The following SLC25A17 variants were observed in gnomAD, a reference collection of about 807,000 sequenced individuals.
SLC25A17 encodes the protein peroxisomal membrane protein PMP34.
A neutral mutation model predicts 38.5 loss-of-function variants in SLC25A17; 26 were observed. The observed-to-expected ratio is 0.68, with a 90% CI of 0.50 to 0.94. The LOEUF is 0.94. SLC25A17 is among the 40% of genes least tolerant of loss of function. The probability of loss-of-function intolerance (pLI) is 0.00; values close to 1 mark genes in which losing one functional copy is unlikely to be tolerated. For missense variants in SLC25A17, 333 were observed against 372.7 expected (o/e 0.89, Z 0.88); for synonymous variants, 139 against 136.2 (o/e 1.02, Z -0.14).
intron 1 of SLC25A17, chr22:40,817,237 G>A (rs2057650551): frequency 6.6e-6 from 1 of 152,366 alleles, no homozygotes; most frequent in African/African-American, 2.4e-5. Flanking sequence ...TGACCCAGCT[G>A]GTCTACTTCC....
intron 4 of SLC25A17, among the ~76,000 whole-genome samples, chr22:40,792,018 T>C (rs982641717): frequency 6.6e-6 from 1 of 152,180 alleles, no homozygotes; most frequent in African/African-American, 2.4e-5. Flanking sequence ...AAACAGAATG[T>C]GATATATACA....
chr22:40,810,680 A>T (rs1260469860), intron 1 of SLC25A17, among the ~76,000 whole-genome samples: 1 of 152,196 alleles, frequency 6.6e-6, no homozygotes, highest in Non-Finnish European at 1.5e-5. Flanking sequence ...CGATCAAAGC[A>T]AAGCATGCAC....
intron 1 of SLC25A17, among the ~76,000 whole-genome samples, chr22:40,816,634 G>A (rs990240532): frequency 6.8e-6 from 1 of 147,746 alleles, no homozygotes; most frequent in Non-Finnish European, 1.5e-5. Context: ...TCTTGAGACG[G>A]AGTCTTGCTC....
intron 2 of SLC25A17, among the ~76,000 whole-genome samples, chr22:40,795,526 G>A (rs1468779893): frequency 6.6e-6 from 1 of 151,996 alleles, no homozygotes; most frequent in Non-Finnish European, 1.5e-5. Flanking sequence ...TCCTGACCTC[G>A]TGATCCACCC....
At chr22:40,806,543 G>T (rs1014196744) in intron 1 of SLC25A17, among the ~76,000 whole-genome samples, 2 of 152,002 alleles carry the variant, frequency 1.3e-5, no homozygotes, top group Non-Finnish European at 2.9e-5. Context: ...TTGGTTGTCT[G>T]AGGATTTTTT....
chr22:40,817,668 G>C (rs1030022096), intron 1 of SLC25A17, among the ~76,000 whole-genome samples: 1 of 152,104 alleles, frequency 6.6e-6, no homozygotes. Flanking sequence ...CCGGATCCAA[G>C]TCACCATCAT....
chr22:40,800,774 A>T (rs1313611773), intron 1 of SLC25A17, among the ~76,000 whole-genome samples: 1 of 150,042 alleles, frequency 6.7e-6, no homozygotes, highest in African/African-American at 2.4e-5. Context: ...TGGGTGACAA[A>T]GCGAGAGTCT....
chr22:40,786,424 G>A (rs1465610543), intron 4 of SLC25A17, among the ~76,000 whole-genome samples: 1 of 152,130 alleles, frequency 6.6e-6, no homozygotes, highest in Non-Finnish European at 1.5e-5. Context: ...CATATCTTAG[G>A]GGAAGTGGAT....
At chr22:40,813,702 C>T (rs78530973) in intron 1 of SLC25A17, among the ~76,000 whole-genome samples, 3,601 of 151,794 alleles carry the variant, frequency 0.024, 125 homozygotes, top group African/African-American at 0.083. Context: ...CCAGCCTGGG[C>T]GACAGAGCGA....
In SLC25A17 at chr22:40,779,011, A is replaced by G; in HGVS notation, c.449T>C (p.Ile150Thr). 1 of 1,611,654 alleles carries G rather than the reference A, an allele frequency of 6.2e-7. No individual in the cohort carries two copies. Reference protein sequence around the residue: ...DIVPTNYKGIIDAFHQIIRDE... With the variant: ...DIVPTNYKGITDAFHQIIRDE... ...GAATTCAGCAAAGAGATACTTACCAATGATACCTTTGTAGTTTGTTGGTAC... is the reference window on the plus strand; with the variant it reads ...GAATTCAGCAAAGAGATACTTACCAGTGATACCTTTGTAGTTTGTTGGTAC... Residue 150 changes from isoleucine (I) to threonine (T), a missense_variant and splice_region_variant, in exon 5 of 9, where the codon ATT (isoleucine) becomes ACT (threonine). By Grantham distance (89) the Ile-to-Thr change is moderately conservative (BLOSUM62 -1). Transcript: ENST00000435456.
chr22:40,814,809 T>TG (rs1568991064), intron 1 of SLC25A17, among the ~76,000 whole-genome samples: 10 of 147,912 alleles, frequency 6.8e-5, no homozygotes, highest in African/African-American at 1.3e-4. Context: ...TTGTTGTTGT[T>TG]TTGTTTTGTT....
At chr22:40,783,768 C>T (rs771974255) in intron 4 of SLC25A17, among the ~76,000 whole-genome samples, 5 of 151,692 alleles carry the variant, frequency 3.3e-5, no homozygotes, top group South Asian at 2.1e-4. Flanking sequence ...TGCAGTGGCT[C>T]GATCTCCGCT....
At chr22:40,788,339 A>T (rs1205719761) in intron 4 of SLC25A17, among the ~76,000 whole-genome samples, 1 of 152,214 alleles carries the variant, frequency 6.6e-6, no homozygotes, top group Admixed American at 6.5e-5. Flanking sequence ...TGTTTAAACT[A>T]ATTCACAGCT....
chr22:40,815,073 C>T (rs1356101609), intron 1 of SLC25A17, among the ~76,000 whole-genome samples: 1 of 152,042 alleles, frequency 6.6e-6, no homozygotes, highest in Non-Finnish European at 1.5e-5. Context: ...CCCGCCTCAG[C>T]CTCCCAAAGT....
chr22:40,803,403 T>C (rs138310), intron 1 of SLC25A17, among the ~76,000 whole-genome samples: 108,832 of 152,124 alleles, frequency 0.72, 40,121 homozygotes, highest in African/African-American at 0.88. Flanking sequence ...TAAGATCATG[T>C]GATGTTTGTT....
chr22:40,779,243 AC>A (rs1725380085), intron 4 of SLC25A17, 118 bp from the exon 5 acceptor site: 3 of 1,551,484 alleles, frequency 1.9e-6, no homozygotes, highest in South Asian at 2.4e-5. Context: ...CTCTTAGGAG[AC>A]CTAAGGTAAG....
At chr22:40,791,298 C>G (rs887646688) in intron 4 of SLC25A17, among the ~76,000 whole-genome samples, 2 of 152,090 alleles carry the variant, frequency 1.3e-5, no homozygotes, top group African/African-American at 4.8e-5. Context: ...CTTCTCTCCC[C>G]TTCTCTCTAA....
chr22:40,796,852 A>G (rs2057435429), intron 2 of SLC25A17, among the ~76,000 whole-genome samples: 1 of 152,214 alleles, frequency 6.6e-6, no homozygotes, highest in South Asian at 2.1e-4. Flanking sequence ...ACACCATGGA[A>G]TGGAACACTC....
chr22:40,786,697 T>A (rs1044778487), intron 4 of SLC25A17, among the ~76,000 whole-genome samples: 1 of 152,220 alleles, frequency 6.6e-6, no homozygotes, highest in African/African-American at 2.4e-5. Flanking sequence ...GTTGGCCGAA[T>A]CCACAGATGT....
Sources: gnomAD v4.1 joint callset for allele counts (sites outside exome capture counted in the v4.1 genomes callset) on GRCh38, gnomAD v4.1.1 for gene constraint, MANE v1.5 for transcripts, NCBI Gene and HGNC (gene_info 2026-07-23, HGNC 2026-07-21) for gene names.